MTNR1A: variants seen among roughly 807,000 people sequenced by gnomAD.
The protein encoded by MTNR1A is melatonin receptor 1A, also known as melatonin receptor type 1A.
A neutral mutation model predicts 5.5 loss-of-function variants in MTNR1A; 7 were observed. The ratio of observed to expected loss-of-function variants is 1.28; its 90% CI spans 0.73 to 2.40. The LOEUF is 2.40. Among genes scored for constraint, MTNR1A ranks in the 30% most tolerant of loss-of-function variants. The probability of loss-of-function intolerance (pLI) is 0.00; values close to 1 mark genes in which losing one functional copy is unlikely to be tolerated. For missense variants in MTNR1A, 441 were observed against 464.4 expected, an observed-to-expected ratio of 0.95 and a Z score of 0.46; for synonymous variants, 196 against 202.7, an observed-to-expected ratio of 0.97 and a Z score of 0.28.
intron 1 of MTNR1A, among the ~76,000 whole-genome samples, chr4:186,538,595 G>A (rs1415272082): frequency 6.6e-6 from 1 of 152,056 alleles, no homozygotes; most frequent in Non-Finnish European, 1.5e-5. Flanking sequence ...CTTCCCCTGC[G>A]TCCCCTCCTA....
At chr4:186,554,822 CAT>C (rs1384051400) in intron 1 of MTNR1A, among the ~76,000 whole-genome samples, 1 of 152,196 alleles carries the variant, frequency 6.6e-6, no homozygotes, top group East Asian at 1.9e-4. Flanking sequence ...AACTAAATCA[CAT>C]GTTAAGACCA....
intron 1 of MTNR1A, among the ~76,000 whole-genome samples, chr4:186,549,050 T>C (rs112633920): frequency 5.3e-5 from 8 of 151,148 alleles, no homozygotes; most frequent in Non-Finnish European, 7.4e-5. Context: ...AAAGTAAAAA[T>C]TGCAATTTAA....
chr4:186,555,353 C>G lies in MTNR1A; in HGVS notation c.13G>C (p.Gly5Arg), dbSNP rs769309186. Residue 5 changes from glycine (G) to arginine (R), a missense_variant, in exon 1 of 2, where the codon GGC (glycine) becomes CGC (arginine). Coordinates refer to ENST00000307161, the MANE Select transcript of MTNR1A (RefSeq NM_005958.4). The surrounding 1 kb of genome is among the most constrained non-coding windows in gnomAD (Gnocchi z 4.1). MQGN[G>R]SALPNASQPV... ...TGGGAGGCGTTGGGCAGCGCGCTGC[C>G]GTTGCCCTGCATGGTCCCTGTGCGC... 54 of 1,539,496 alleles carry G rather than the reference C, an allele frequency of 3.5e-5. No homozygotes were observed. In the African/African-American group the frequency reaches 4.0e-4, roughly 11 times the overall value.
intron 1 of MTNR1A, among the ~76,000 whole-genome samples, chr4:186,548,198 C>T (rs1737195862): frequency 6.6e-6 from 1 of 152,064 alleles, no homozygotes; most frequent in South Asian, 2.1e-4. Flanking sequence ...AGTGAAAACC[C>T]CATCTTAAAT....
In MTNR1A at chr4:186,534,271, C is replaced by T. The variant is rs374634426; in HGVS notation, c.471G>A (p.Ala157=). ...CTGCACGGAGGTTGGGCAGGACGGC[C>T]GCCAGCGTCAGGAGCCATATGAGGA... is the stretch of plus-strand genomic sequence containing the variant. The part of the protein sequence containing the change: ...YVLLIWLLTL[A]AVLPNLRAGT... The change falls in exon 2 of 2, where the codon GCG becomes GCA. Residue 157 remains alanine, a synonymous_variant. Coordinates refer to ENST00000307161, the MANE Select transcript of MTNR1A (RefSeq NM_005958.4). The T allele has an allele frequency of 1.9e-5, 30 of 1,613,972 alleles. No homozygotes were observed. The East Asian group carries it at 3.1e-4, about 17-fold the overall frequency.
At chr4:186,546,517 C>T (rs1737145774) in intron 1 of MTNR1A, among the ~76,000 whole-genome samples, 1 of 152,120 alleles carries the variant, frequency 6.6e-6, no homozygotes, top group Non-Finnish European at 1.5e-5. Flanking sequence ...ATAATACCCT[C>T]TTCATGTGAC....
intron 1 of MTNR1A, among the ~76,000 whole-genome samples, chr4:186,547,724 A>C (rs1265095483): frequency 6.6e-6 from 1 of 152,198 alleles, no homozygotes; most frequent in East Asian, 1.9e-4. Context: ...TATACACGGT[A>C]TTGTACACTG....
intron 1 of MTNR1A, among the ~76,000 whole-genome samples, chr4:186,553,642 G>T (rs1254084780): frequency 6.6e-6 from 1 of 152,190 alleles, no homozygotes; most frequent in Non-Finnish European, 1.5e-5. Context: ...CTTCCAAGTA[G>T]TTGGGATTAC....
chr4:186,543,088 G>A (rs765384127), intron 1 of MTNR1A, among the ~76,000 whole-genome samples: 8 of 152,182 alleles, frequency 5.3e-5, no homozygotes, highest in Admixed American at 1.3e-4. Context: ...GCAAGATCCT[G>A]TCTCAAAGAA....
At chr4:186,551,455 A>G (rs765300921) in intron 1 of MTNR1A, among the ~76,000 whole-genome samples, 11 of 152,068 alleles carry the variant, frequency 7.2e-5, no homozygotes, top group Non-Finnish European at 1.2e-4. Flanking sequence ...AAAACAATCT[A>G]AAAAGAACTA....
chr4:186,533,788 C>G lies in MTNR1A; in HGVS notation c.954G>C (p.Val318=). The G allele has an allele frequency of 6.2e-7, 1 of 1,614,208 alleles. No homozygotes were observed. Among genetic ancestry groups the G allele is most frequent in the Non-Finnish European group, 8.5e-7 (1 of 1,180,046 alleles). ...CGTCGTTAGAGCTGTCCACAAAGAA[C>G]ACCCTGGCTGTACAGAGCGAGACTA... ...RIIVSLCTAR[V]FFVDSSNDVA... The change falls in exon 2 of 2, where the codon GTG becomes GTC. Residue 318 remains valine (V), a synonymous_variant. Transcript: ENST00000307161.
chr4:186,546,565 G>C (rs78735539), intron 1 of MTNR1A, among the ~76,000 whole-genome samples: 5,032 of 151,856 alleles, frequency 0.033, 127 homozygotes, highest in East Asian at 0.061. Context: ...GGGATATGCT[G>C]TCCACACCAC....
Position 186,534,204 on chromosome 4 carries a change from C to G in MTNR1A, c.538G>C (p.Ala180Pro). Residue 180 changes from alanine (A) to proline (P), a missense_variant, in exon 2 of 2, where the codon GCC becomes CCC. By Grantham distance (27) the Ala-to-Pro change is conservative. Coordinates refer to ENST00000307161, the MANE Select transcript of MTNR1A (RefSeq NM_005958.4). The stretch of plus-strand genomic sequence containing the variant: ...GTGTAGGCGGAGCTGACGGACTGGG[C>G]GAAGGTGCACGAGTAGATCCTCGGG... The part of the protein sequence containing the change: ...YDPRIYSCTF[A>P]QSVSSAYTIA... 6.2e-7 allele frequency: 1 copy of G among 1,613,740 alleles called. No individual in the cohort carries two copies. The highest frequency in any genetic ancestry group is 8.5e-7 in the Non-Finnish European group (1 of 1,179,774).
rs1284322890 is a variant in MTNR1A, at chr4:186,555,255, G to A, written c.111C>T (p.Thr37=). Reference sequence around the variant, plus strand: ...GGTTGCCCAGGATGTCCACCACGATGGTGAAGATGAGGACGCAGGCCAGGG... The same window carrying A: ...GGTTGCCCAGGATGTCCACCACGATAGTGAAGATGAGGACGCAGGCCAGGG... ...ASALACVLIF[T]IVVDILGNLL... is the part of the protein sequence containing the mutation. The change falls in exon 1 of 2, where the codon ACC becomes ACT. Residue 37 remains threonine, a synonymous_variant. Coordinates refer to ENST00000307161, the MANE Select transcript of MTNR1A (RefSeq NM_005958.4). The surrounding 1 kb of genome is among the most constrained non-coding windows in gnomAD (Gnocchi z 4.1). The A allele has an allele frequency of 1.3e-6, 2 of 1,570,584 alleles. No individual in the cohort carries two copies. Among genetic ancestry groups the A allele is most frequent in the Non-Finnish European group, 1.7e-6 (2 of 1,158,876 alleles).
chr4:186,539,095 T>A (rs887179429), intron 1 of MTNR1A, among the ~76,000 whole-genome samples: 5 of 151,630 alleles, frequency 3.3e-5, no homozygotes. Context: ...TGCGCACCTG[T>A]AGTCCCAGCT....
intron 1 of MTNR1A, among the ~76,000 whole-genome samples, chr4:186,540,790 A>ACCAGGTGCTGTCTGACTGAAGGG: frequency 7.9e-6 from 1 of 126,308 alleles, no homozygotes; most frequent in African/African-American, 2.8e-5. Flanking sequence ...TGAAGGAAGG[A>ACCAGGTGCTGTCTGACTGAAGGG]CCAGGTGCTG....
intron 1 of MTNR1A, among the ~76,000 whole-genome samples, chr4:186,544,617 G>T (rs1737098872): frequency 6.6e-6 from 1 of 152,200 alleles, no homozygotes; most frequent in Admixed American, 6.5e-5. Flanking sequence ...ATGAAAATGT[G>T]TATTTCTGAA....
chr4:186,548,659 T>A (rs1322639549), intron 1 of MTNR1A, among the ~76,000 whole-genome samples: 1 of 151,672 alleles, frequency 6.6e-6, no homozygotes, highest in Non-Finnish European at 1.5e-5. Flanking sequence ...TTAGGTCACT[T>A]GCCCTATGTC....
At chr4:186,542,059 A>G (rs1312058480) in intron 1 of MTNR1A, among the ~76,000 whole-genome samples, 1 of 152,232 alleles carries the variant, frequency 6.6e-6, no homozygotes, top group Non-Finnish European at 1.5e-5. Context: ...CATGGCAGCA[A>G]GGATAGAAGT....
Sources: allele counts gnomAD v4.1 joint callset (sites outside exome capture counted in the v4.1 genomes callset), GRCh38; gene constraint gnomAD v4.1.1; non-coding constraint Gnocchi (gnomAD v3.1); transcripts MANE v1.5; gene names NCBI Gene and HGNC (gene_info 2026-07-23, HGNC 2026-07-21).